The following SUCLA2 variants were observed in gnomAD, a reference collection of about 807,000 sequenced individuals.
SUCLA2 encodes the protein succinate-CoA ligase ADP-forming subunit beta.
SUCLA2 carries 30 observed loss-of-function variants against 54.8 expected under a neutral mutation model. The ratio of observed to expected loss-of-function variants is 0.55; its 90% CI spans 0.41 to 0.74. The LOEUF is 0.74. Among genes scored for constraint, SUCLA2 ranks in the 30% least tolerant of loss-of-function variants. SUCLA2 has a pLI of 0.00. For synonymous variants in SUCLA2, 172 were observed against 188.9 expected, an observed-to-expected ratio of 0.91 and a Z score of 0.74; for missense variants, 476 against 562.9, an observed-to-expected ratio of 0.85 and a Z score of 1.56.
chr13:47,968,059 C>A (rs541125002), intron 6 of SUCLA2, among the ~76,000 whole-genome samples: 1 of 152,006 alleles, frequency 6.6e-6, no homozygotes, highest in Admixed American at 6.6e-5. Context: ...AAGAAAGATG[C>A]AAAATGTATA....
At chr13:47,992,856 C>A (rs1332524203) in intron 2 of SUCLA2, among the ~76,000 whole-genome samples, 4 of 152,354 alleles carry the variant, frequency 2.6e-5, no homozygotes, top group Non-Finnish European at 5.9e-5. Flanking sequence ...TGTATCTATT[C>A]AACCAGATAG....
chr13:47,953,197 C>T (rs1949790457), intron 8 of SUCLA2, among the ~76,000 whole-genome samples: 1 of 152,148 alleles, frequency 6.6e-6, no homozygotes, highest in East Asian at 1.9e-4. Context: ...CAGTCCCCTA[C>T]ACTGTAACTC....
chr13:47,966,098 C>G (rs1472995848), intron 6 of SUCLA2, among the ~76,000 whole-genome samples: 1 of 152,102 alleles, frequency 6.6e-6, no homozygotes, highest in African/African-American at 2.4e-5. Flanking sequence ...ACAATGTCTC[C>G]AACTTACTCT....
At chr13:47,982,214 A>G (rs1442211337) in intron 4 of SUCLA2, among the ~76,000 whole-genome samples, 5 of 152,214 alleles carry the variant, frequency 3.3e-5, no homozygotes, top group Non-Finnish European at 4.4e-5. Context: ...CCATCAAAAG[A>G]TGAATGGATA....
Position 47,973,283 on chromosome 13 carries a change from T to C in SUCLA2, c.644A>G (p.Lys215Arg). ...ACATACCTGGAGAGCTTGTTCCTTT[T>C]TGATGCCTTCTTCAATATCAATAGG... ...KEPIDIEEGI[K>R]KEQALQLAQK... Residue 215 changes from lysine to arginine, a missense_variant, in exon 5 of 11, where the codon AAA becomes AGA. Coordinates refer to ENST00000646932, the MANE Select transcript of SUCLA2 (RefSeq NM_003850.3). The C allele has an allele frequency of 1.9e-6, 3 of 1,613,360 alleles. No individual in the cohort carries two copies. The highest frequency in any genetic ancestry group is 2.5e-6 in the Non-Finnish European group (3 of 1,179,832).
intron 9 of SUCLA2, 75 bp from the exon 10 acceptor site, chr13:47,949,103 G>T (rs1949757294): frequency 2.1e-6 from 3 of 1,434,542 alleles, no homozygotes; most frequent in African/African-American, 1.4e-5. Context: ...GCCAAAACAT[G>T]GTATAAGAAT....
At chr13:47,976,818 A>C (rs1162910583) in intron 4 of SUCLA2, among the ~76,000 whole-genome samples, 1 of 152,182 alleles carries the variant, frequency 6.6e-6, no homozygotes, top group East Asian at 1.9e-4. Context: ...ATTTCCTTTA[A>C]GTGTCATGTC....
At chr13:47,967,448 T>C (rs995916985) in intron 6 of SUCLA2, among the ~76,000 whole-genome samples, 1 of 151,922 alleles carries the variant, frequency 6.6e-6, no homozygotes, top group East Asian at 1.9e-4. Context: ...AAATAGAACA[T>C]CTCTAACTAA....
intron 4 of SUCLA2, among the ~76,000 whole-genome samples, chr13:47,982,268 T>C (rs1001955262): frequency 2.6e-5 from 4 of 152,098 alleles, no homozygotes; most frequent in African/African-American, 9.7e-5. Flanking sequence ...TACTCAGCCA[T>C]AAATAAGGAA....
chr13:47,974,370 G>C (rs530520467), intron 4 of SUCLA2, among the ~76,000 whole-genome samples: 2 of 152,242 alleles, frequency 1.3e-5, no homozygotes, highest in African/African-American at 2.4e-5. Flanking sequence ...AGGACTACTT[G>C]AGTTCAGGAG....
chr13:47,973,465 G>A (rs1194665461), intron 4 of SUCLA2, 73 bp from the exon 5 acceptor site: 31 of 1,529,748 alleles, frequency 2.0e-5, no homozygotes, highest in Admixed American at 6.7e-5. Flanking sequence ...AAACCTACCC[G>A]TGCATAATAT....
intron 4 of SUCLA2, among the ~76,000 whole-genome samples, chr13:47,987,164 T>C (rs1182237975): frequency 6.6e-6 from 1 of 152,170 alleles, no homozygotes; most frequent in Non-Finnish European, 1.5e-5. Flanking sequence ...AAATTCAAGT[T>C]CATAAGATGA....
At chr13:47,972,896 C>G (rs1016118841) in intron 5 of SUCLA2, among the ~76,000 whole-genome samples, 1 of 150,480 alleles carries the variant, frequency 6.6e-6, no homozygotes, top group Non-Finnish European at 1.5e-5. Context: ...TACAGGCACG[C>G]ACCACCATGC....
intron 5 of SUCLA2, 46 bp downstream of exon 5, chr13:47,973,218 T>C (rs1171633178): frequency 1.3e-6 from 2 of 1,544,774 alleles, no homozygotes; most frequent in Admixed American, 1.7e-5. Context: ...TTAAGTATCA[T>C]AATTCTCTAA....
intron 5 of SUCLA2, chr13:47,971,898 A>G: frequency 2.5e-6 from 1 of 398,612 alleles, no homozygotes. Context: ...AAGAAAAAAG[A>G]TGACAGCAAA....
intron 5 of SUCLA2, among the ~76,000 whole-genome samples, chr13:47,970,361 T>C (rs766862185): frequency 2.0e-5 from 3 of 152,216 alleles, no homozygotes; most frequent in Non-Finnish European, 2.9e-5. Context: ...CAAAATGCTA[T>C]AATCTTAGAT....
At chr13:47,998,580 T>A (rs929496662) in intron 1 of SUCLA2, among the ~76,000 whole-genome samples, 1 of 152,150 alleles carries the variant, frequency 6.6e-6, no homozygotes, top group Admixed American at 6.6e-5. Flanking sequence ...AGAAAAAAAG[T>A]ACTATGGCTC....
At chr13:47,970,332 T>C (rs575660963) in intron 5 of SUCLA2, among the ~76,000 whole-genome samples, 83 of 152,302 alleles carry the variant, frequency 5.4e-4, no homozygotes, top group Non-Finnish European at 1.1e-3. Flanking sequence ...AGGCTCTATT[T>C]CCACTCATCA....
chr13:47,988,871 A>G lies in SUCLA2; in HGVS notation c.371+11T>C, dbSNP rs1246447714. The stretch of plus-strand genomic sequence containing the variant: ...AACAAGGATGATTTTTCCTTAAAAA[A>G]TGTGACTTACGAGAAAACTATCTTC... On this transcript the variant is annotated intron_variant, in intron 3 of 10. Coordinates refer to ENST00000646932, the MANE Select transcript of SUCLA2 (RefSeq NM_003850.3). The G allele has an allele frequency of 6.2e-7, 1 of 1,611,520 alleles. No homozygotes were observed. The highest frequency in any genetic ancestry group is 1.1e-5 in the South Asian group (1 of 90,978).
Sources: allele counts gnomAD v4.1 joint callset (sites outside exome capture counted in the v4.1 genomes callset), GRCh38; gene constraint gnomAD v4.1.1; transcripts MANE v1.5; gene names NCBI Gene and HGNC (gene_info 2026-07-23, HGNC 2026-07-21).